MESD: variants seen among roughly 807,000 people sequenced by gnomAD.
MESD encodes mesoderm development LRP chaperone, also known as LRP chaperone MESD.
Under a neutral mutation model 12.9 loss-of-function variants are expected in MESD, and 7 were observed. The observed-to-expected ratio is 0.54, with a 90% CI of 0.31 to 1.02. The LOEUF (loss-of-function observed/expected upper bound fraction) is 1.02. MESD is among the 50% of genes least tolerant of loss of function. MESD has a pLI of 0.05. For synonymous variants in MESD, 126 were observed against 115.6 expected (o/e 1.09, Z -0.58); for missense variants, 342 against 296.7 (o/e 1.15, Z -1.12).
chr15:80,947,164 C>T (rs1901593391), downstream of MESD: 1 of 771,040 alleles, frequency 1.3e-6, no homozygotes. Flanking sequence ...TGAGAACATG[C>T]TTTGTACTAA....
intron 3 of MESD, among the ~76,000 whole-genome samples, chr15:80,969,221 T>C (rs1032652577): frequency 6.6e-6 from 1 of 152,066 alleles, no homozygotes; most frequent in Non-Finnish European, 1.5e-5. Flanking sequence ...AAATAAAGTA[T>C]GTAAAGACCT....
At chr15:80,980,343 G>T (rs1488338478) in intron 2 of MESD, among the ~76,000 whole-genome samples, 4 of 152,152 alleles carry the variant, frequency 2.6e-5, no homozygotes, top group Non-Finnish European at 5.9e-5. Flanking sequence ...TTTCAGAACT[G>T]TTTTTGAGGA....
downstream of MESD, among the ~76,000 whole-genome samples, chr15:80,974,123 G>C (rs1902353010): frequency 6.6e-6 from 1 of 152,182 alleles, no homozygotes; most frequent in African/African-American, 2.4e-5. Flanking sequence ...CAGGAGAGCA[G>C]AGGCTACCTG....
chr15:80,953,958 G>A (rs1379961459), intron 3 of MESD, among the ~76,000 whole-genome samples: 1 of 152,154 alleles, frequency 6.6e-6, no homozygotes, highest in Non-Finnish European at 1.5e-5. Context: ...GCATATGCCT[G>A]CATCTCCAAT....
chr15:80,983,151 G>C (rs550356865), intron 1 of MESD, among the ~76,000 whole-genome samples: 1 of 151,814 alleles, frequency 6.6e-6, no homozygotes, highest in African/African-American at 2.4e-5. Context: ...GCTGAGACAC[G>C]AGGATCACTT....
Position 80,979,067 on chromosome 15 carries a change from T to C in MESD, c.*152A>G. On this transcript the variant is annotated 3_prime_UTR_variant, in exon 3 of 3. Coordinates refer to ENST00000261758, the MANE Select transcript of MESD (RefSeq NM_015154.3). ...TTGAAGCCTATTAAGCAGTAATTCT[T>C]TGACCACAAACTGGTCATGTGGCAG... is the stretch of plus-strand genomic sequence containing the variant. The C allele has an allele frequency of 9.6e-7, 1 of 1,042,596 alleles. No individual in the cohort carries two copies. The highest frequency in any genetic ancestry group is 1.6e-5 in the South Asian group (1 of 61,766). 64.6% of individuals were successfully genotyped at this position (1,042,596 alleles called of 1,614,324 possible). A position where few individuals can be genotyped will look rare whatever the true frequency, so the allele number is the denominator to read the frequency against.
chr15:80,948,721 G>A lies in MESD; in HGVS notation c.*804C>T, dbSNP rs149488110. ...CTGGTGGGCGTGGGGGGCTGGCGAT[G>A]GGGAGCCATGGAACGGGGTGGGGCA... On this transcript the variant is annotated 3_prime_UTR_variant, in exon 5 of 5. Transcript: ENST00000561312. 1,097 of 1,601,880 alleles carry A rather than the reference G, an allele frequency of 6.8e-4. 1 individual carries two copies. The African/African-American group carries it at 6.9e-3, about 10-fold the overall frequency.
chr15:80,946,894 ACATCCCTCC>A (rs1046453592), downstream of MESD: 19 of 1,041,900 alleles, frequency 1.8e-5, no homozygotes, highest in Non-Finnish European at 2.7e-5. Flanking sequence ...GCACAAACCA[ACATCCCTCC>A]CCATGCCCAC....
rs1902457583 is a variant in MESD, at chr15:80,977,796, T to C, written c.*1423A>G. On this transcript the variant is annotated 3_prime_UTR_variant, in exon 3 of 3. Coordinates refer to ENST00000261758, the MANE Select transcript of MESD (RefSeq NM_015154.3). ...AACAGCTCCCGCTCCAGGTTCAAGA[T>C]GCAGGAGGAACAAGAAAAGCCTCTT... 1 of 152,248 alleles carries C rather than the reference T, an allele frequency of 6.6e-6. No individual in the cohort carries two copies. Among genetic ancestry groups the C allele is most frequent in the African/African-American group, 2.4e-5 (1 of 41,424 alleles). The allele number at this position is 152,248 out of a possible 1,614,324, so 9.4% of individuals were successfully genotyped here.
chr15:80,970,468 ACTAT>A (rs1285012855), intron 3 of MESD: 13 of 152,298 alleles, frequency 8.5e-5, no homozygotes, highest in Admixed American at 5.9e-4. Flanking sequence ...TCACCTGTAA[ACTAT>A]CTACTCCTCC....
intron 1 of MESD, among the ~76,000 whole-genome samples, chr15:80,983,404 G>A (rs59424533): frequency 0.17 from 25,986 of 152,120 alleles, 2,365 homozygotes; most frequent in African/African-American, 0.25. Flanking sequence ...GCAATTCTGA[G>A]ACTATCTTAT....
intron 3 of MESD, among the ~76,000 whole-genome samples, chr15:80,952,591 G>C (rs185959557): frequency 6.6e-6 from 1 of 151,574 alleles, no homozygotes; most frequent in African/African-American, 2.4e-5. Flanking sequence ...TTATGCATTG[G>C]GTTTAAAAAC....
chr15:80,977,959 G>C lies in MESD; in HGVS notation c.*1260C>G, dbSNP rs541115159. 2.0e-5 allele frequency: 3 copies of C among 152,342 alleles called. No individual in the cohort carries two copies. The East Asian group carries it at 5.8e-4, about 29-fold the overall frequency. The allele number at this position is 152,342 out of a possible 1,614,324, so 9.4% of individuals were successfully genotyped here. Reference sequence around the variant, plus strand: ...AGAATGCAGAGGGTGTGGTTCTTTCGAGGGAAATGTGAGCAGCTACCAAAT... The same window carrying C: ...AGAATGCAGAGGGTGTGGTTCTTTCCAGGGAAATGTGAGCAGCTACCAAAT... On this transcript the variant is annotated 3_prime_UTR_variant, in exon 3 of 3. Coordinates refer to ENST00000261758, the MANE Select transcript of MESD (RefSeq NM_015154.3).
At chr15:80,973,404 T>C (rs781659585), downstream of MESD, among the ~76,000 whole-genome samples, 1 of 151,896 alleles carries the variant, frequency 6.6e-6, no homozygotes, top group Non-Finnish European at 1.5e-5. Flanking sequence ...CCGGGTGTAG[T>C]GGCGTGCACC....
intron 4 of MESD, chr15:80,950,116 G>A (rs1204396021): frequency 3.3e-5 from 5 of 152,262 alleles, no homozygotes; most frequent in Non-Finnish European, 7.3e-5. Context: ...TCTTCATCCA[G>A]GGAACTGAGC....
intron 1 of MESD, among the ~76,000 whole-genome samples, chr15:80,988,993 GAGCCATT>G (rs1446343950): frequency 6.6e-6 from 1 of 152,200 alleles, no homozygotes; most frequent in African/African-American, 2.4e-5. Context: ...TCACGATACA[GAGCCATT>G]AGCCATTGAT....
chr15:80,989,770 G>A lies in MESD; in HGVS notation c.22C>T (p.Arg8Cys), dbSNP rs758532744. ...GCACAAAGCAGGACCACGGCCTTGC[G>A]CGCCCACCTGGAAGCCGCCATTTTC... Reference protein sequence around the residue: MAASRWARKAVVLLCASD... With the variant: MAASRWACKAVVLLCASD... Residue 8 changes from arginine to cysteine, a missense_variant, in exon 1 of 3, where the codon CGC becomes TGC. Arg to Cys is a radical substitution (Grantham distance 180). Transcript: ENST00000261758. 20 of 1,590,920 alleles carry A rather than the reference G, an allele frequency of 1.3e-5. No individual in the cohort carries two copies. In the African/African-American group the frequency reaches 2.4e-4, roughly 19 times the overall value.
In MESD at chr15:80,982,172, T is replaced by C; in HGVS notation, c.224A>G (p.Asp75Gly). ...CTCTGGAAGATCTCCTTCTTCAATG[T>C]CATCATCTTTCTATCAGATTAGGGG... ...RLLEQWEKDD[D>G]IEEGDLPEHK... Residue 75 changes from aspartate (D) to glycine (G), a missense_variant, in exon 2 of 3, where the codon GAC becomes GGC. Transcript: ENST00000261758. 1 of 1,613,592 alleles carries C rather than the reference T, an allele frequency of 6.2e-7. No homozygotes were observed. The highest frequency in any genetic ancestry group is 8.5e-7 in the Non-Finnish European group (1 of 1,179,562).
intron 3 of MESD, among the ~76,000 whole-genome samples, chr15:80,957,879 C>T (rs1455565866): frequency 1.4e-5 from 2 of 141,984 alleles, no homozygotes; most frequent in African/African-American, 2.5e-5. Context: ...CCACCCACCC[C>T]CCCACCCCCA....
Sources: allele counts gnomAD v4.1 joint callset (sites outside exome capture counted in the v4.1 genomes callset), GRCh38; gene constraint gnomAD v4.1.1; transcripts MANE v1.5; gene names NCBI Gene and HGNC (gene_info 2026-07-23, HGNC 2026-07-21).